DMRT1: variants seen among roughly 807,000 people sequenced by gnomAD.
DMRT1 encodes the protein doublesex and mab-3 related transcription factor 1.
Under a neutral mutation model 32.3 loss-of-function variants are expected in DMRT1, and 7 were observed. The observed-to-expected ratio is 0.22, with a 90% CI of 0.12 to 0.41. The LOEUF (loss-of-function observed/expected upper bound fraction) is 0.41, where lower values mean the gene tolerates loss of function less well. Ranked by LOEUF, DMRT1 falls within the 10% of genes least tolerant of loss-of-function variation. The pLI is 1.00. For synonymous variants in DMRT1, 278 were observed against 206.1 expected (o/e 1.35, Z -2.99); for missense variants, 625 against 500.5 (o/e 1.25, Z -2.37).
chr9:885,836 T>C (rs112743510), intron 2 of DMRT1, among the ~76,000 whole-genome samples: 2 of 152,144 alleles, frequency 1.3e-5, no homozygotes, highest in African/African-American at 2.4e-5. Flanking sequence ...GATCTACAGG[T>C]TGATAATTCT....
chr9:893,958 G>T lies in DMRT1; in HGVS notation c.585G>T (p.Gly195=), dbSNP rs1445675038. Residue 195 remains glycine (G), a synonymous_variant, in exon 3 of 5, where the codon GGG becomes GGT. Transcript: ENST00000382276. ...ATATTCCTGCTGTCACCAGCAGAGG[G>T]CATGTGGAGAACACACCTGACCTGG... ...IQDIPAVTSR[G]HVENTPDLVS... is the part of the protein sequence containing the mutation. The T allele has an allele frequency of 6.2e-6, 10 of 1,614,110 alleles. No homozygotes were observed. Among genetic ancestry groups the T allele is most frequent in the Non-Finnish European group, 8.5e-6 (10 of 1,179,968 alleles).
intron 2 of DMRT1, among the ~76,000 whole-genome samples, chr9:873,554 G>A (rs1262428911): frequency 4.6e-5 from 7 of 151,974 alleles, no homozygotes; most frequent in African/African-American, 1.7e-4. Context: ...CCCGACCTCA[G>A]GTGATCCACC....
At chr9:870,512 AAGCTTAGCTCTTC>A in intron 2 of DMRT1, among the ~76,000 whole-genome samples, 1 of 152,056 alleles carries the variant, frequency 6.6e-6, no homozygotes, top group Admixed American at 6.6e-5. Context: ...TTTTTTCACT[AAGCTTAGCTCTTC>A]AGCTGTGAAA....
Position 861,777 on chromosome 9 carries a change from C to T in DMRT1, c.538+14634C>T, listed in dbSNP as rs539799542. Among the ~76,000 whole-genome samples the T allele has an allele frequency of 5.1e-3, 749 of 146,242 alleles. 8 individuals are homozygous for T. The highest frequency in any genetic ancestry group is 8.8e-3 in the Non-Finnish European group (579 of 65,768). Reference sequence around the variant, plus strand: ...GGCGGCTGCTGGGCGGAGATGCTCCCCACTTCCCAGACGGGGCGGCTGCCG... The same window carrying T: ...GGCGGCTGCTGGGCGGAGATGCTCCTCACTTCCCAGACGGGGCGGCTGCCG... On this transcript the variant is annotated intron_variant, in intron 2 of 4. Transcript: ENST00000382276.
intron 2 of DMRT1, among the ~76,000 whole-genome samples, chr9:874,542 C>A (rs891348197): frequency 2.0e-5 from 3 of 152,110 alleles, no homozygotes; most frequent in Non-Finnish European, 2.9e-5. Flanking sequence ...GTTAGATATT[C>A]TTGTTAATGA....
At chr9:931,071 A>C (rs1284559203) in intron 4 of DMRT1, among the ~76,000 whole-genome samples, 1 of 152,142 alleles carries the variant, frequency 6.6e-6, no homozygotes, top group East Asian at 1.9e-4. Context: ...TGTCTCTATG[A>C]ATTTGCCTGT....
At chr9:932,751 A>G (rs1032527576) in intron 4 of DMRT1, among the ~76,000 whole-genome samples, 4 of 152,094 alleles carry the variant, frequency 2.6e-5, no homozygotes, top group Non-Finnish European at 5.9e-5. Flanking sequence ...GGTTCCTACA[A>G]TCCCCCTTTT....
At chr9:908,929 A>G (rs1371250776) in intron 3 of DMRT1, among the ~76,000 whole-genome samples, 2 of 151,738 alleles carry the variant, frequency 1.3e-5, no homozygotes, top group African/African-American at 4.8e-5. Flanking sequence ...CCCCAGCCCC[A>G]CGCTTAGCAC....
chr9:930,815 C>G (rs1818701292), intron 4 of DMRT1, among the ~76,000 whole-genome samples: 2 of 152,170 alleles, frequency 1.3e-5, no homozygotes, highest in South Asian at 2.1e-4. Context: ...ACTTGGATTA[C>G]AGACATGAGC....
chr9:947,244 A>T (rs562612249), intron 4 of DMRT1, among the ~76,000 whole-genome samples: 1 of 152,198 alleles, frequency 6.6e-6, no homozygotes, highest in African/African-American at 2.4e-5. Flanking sequence ...TTCTTAAAAC[A>T]TTATGAGATC....
chr9:892,053 C>A (rs868168632), intron 2 of DMRT1, among the ~76,000 whole-genome samples: 1 of 152,120 alleles, frequency 6.6e-6, no homozygotes, highest in Non-Finnish European at 1.5e-5. Context: ...TTTCTTGTTG[C>A]TTGTTGCTCC....
Position 841,979 on chromosome 9 carries a change from CG to C in DMRT1, c.146del (p.Gly49AlafsTer59). The C allele has an allele frequency of 6.3e-7, 1 of 1,577,628 alleles. No individual in the cohort carries two copies. ...LVGAASGSSAGGSSRGGGSGS... is the reference protein window; with the variant it reads ...LVGAASGSSAXGSSRGGGSGS... ...TGGGGGCGGCCAGCGGCTCGAGCGC[CG>C]GGGGCAGCAGCAGAGGAGGCGGCTC... On this transcript the variant is annotated frameshift_variant, in exon 1 of 5. Coordinates refer to ENST00000382276, the MANE Select transcript of DMRT1 (RefSeq NM_021951.3). LOFTEE classifies it high-confidence loss of function.
chr9:867,879 A>C (rs1303631039), intron 2 of DMRT1, among the ~76,000 whole-genome samples: 1 of 152,242 alleles, frequency 6.6e-6, no homozygotes, highest in Non-Finnish European at 1.5e-5. Context: ...TGTGTTATTA[A>C]CATACTACAT....
chr9:964,866 C>T (rs1819884509), intron 4 of DMRT1, among the ~76,000 whole-genome samples: 2 of 152,190 alleles, frequency 1.3e-5, no homozygotes, highest in African/African-American at 4.8e-5. Flanking sequence ...ATTTCTAGTG[C>T]TACCAATACT....
rs143346289 is a variant in DMRT1 at position 848,552 on chromosome 9, C to CTT, written c.538+1427_538+1428dup. Among the ~76,000 whole-genome samples the CTT allele has an allele frequency of 3.0e-3, 287 of 97,026 alleles. 1 individual carries two copies. The highest frequency in any genetic ancestry group is 0.01 in the African/African-American group (279 of 26,604). The allele number at this position is 97,026 out of a possible 152,430, so 63.7% of individuals were successfully genotyped here. A position where few individuals can be genotyped will look rare whatever the true frequency, so the allele number is the denominator to read the frequency against. On this transcript the variant is annotated intron_variant, in intron 2 of 4. Coordinates refer to ENST00000382276, the MANE Select transcript of DMRT1 (RefSeq NM_021951.3). ...TAGTTTCCAAACTTTTGTTTCCTTT[C>CTT]TTTTTTTTTTTTTTTTTTTGAGATG...
chr9:956,062 A>G (rs1819589626), intron 4 of DMRT1, among the ~76,000 whole-genome samples: 2 of 152,254 alleles, frequency 1.3e-5, no homozygotes, highest in Non-Finnish European at 2.9e-5. Flanking sequence ...AAAGGTGTAT[A>G]CGTATACAAT....
intron 2 of DMRT1, among the ~76,000 whole-genome samples, chr9:848,641 C>A (rs1365335653): frequency 1.3e-5 from 2 of 149,632 alleles, no homozygotes; most frequent in South Asian, 4.2e-4. Flanking sequence ...GCAACCTCCA[C>A]CTCCTGGGTT....
intron 3 of DMRT1, among the ~76,000 whole-genome samples, chr9:915,596 G>A (rs1161161121): frequency 6.6e-6 from 1 of 152,144 alleles, no homozygotes; most frequent in African/African-American, 2.4e-5. Flanking sequence ...CCAGAATTCA[G>A]ATCTCAGACT....
chr9:879,327 A>G (rs928074434), intron 2 of DMRT1, among the ~76,000 whole-genome samples: 2 of 152,232 alleles, frequency 1.3e-5, no homozygotes, highest in African/African-American at 4.8e-5. Context: ...AAAATAATAA[A>G]CTCATTACCT....
Sources: allele counts gnomAD v4.1 joint callset (sites outside exome capture counted in the v4.1 genomes callset), GRCh38; gene constraint gnomAD v4.1.1; transcripts MANE v1.5; gene names NCBI Gene and HGNC (gene_info 2026-07-23, HGNC 2026-07-21).